The following PARVA variants were observed in gnomAD, a reference collection of about 807,000 sequenced individuals.
The protein encoded by PARVA is alpha-parvin.
A neutral mutation model predicts 52.6 loss-of-function variants in PARVA; 25 were observed. The observed-to-expected ratio is 0.48, with a 90% CI of 0.35 to 0.66. The LOEUF is 0.66. Among genes scored for constraint, PARVA ranks in the 30% least tolerant of loss-of-function variants. PARVA has a pLI of 0.01. For missense variants in PARVA, 373 were observed against 450.9 expected, an observed-to-expected ratio of 0.83 and a Z score of 1.56; for synonymous variants, 185 against 179.1, an observed-to-expected ratio of 1.03 and a Z score of -0.26.
chr11:12,462,067 G>A (rs1940790447), intron 1 of PARVA, among the ~76,000 whole-genome samples: 1 of 152,168 alleles, frequency 6.6e-6, no homozygotes, highest in Admixed American at 6.5e-5. Flanking sequence ...GTTGGGGGGT[G>A]CAGATTTTGC....
rs1425178124 is a variant in PARVA at position 12,467,971 on chromosome 11, C to T, written c.137-5774C>T. ...CCTGTGCTCAGACATAATCACTACT[C>T]CCTCAACACCTGCCCTGTTTTTCCA... On this transcript the variant is annotated intron_variant, in intron 1 of 12. Coordinates refer to ENST00000334956, the MANE Select transcript of PARVA (RefSeq NM_018222.5). Among the ~76,000 whole-genome samples, 4 of 152,230 alleles carry T rather than the reference C, an allele frequency of 2.6e-5. No homozygotes were observed. The South Asian group carries it at 6.2e-4, about 24-fold the overall frequency.
chr11:12,474,605 G>A (rs890625955), intron 3 of PARVA, among the ~76,000 whole-genome samples: 1 of 152,102 alleles, frequency 6.6e-6, no homozygotes, highest in South Asian at 2.1e-4. Flanking sequence ...GGCCAAGGCG[G>A]GCGGATCACT....
At chr11:12,405,871 T>C (rs1001674576) in intron 1 of PARVA, among the ~76,000 whole-genome samples, 13 of 152,100 alleles carry the variant, frequency 8.5e-5, no homozygotes, top group African/African-American at 3.1e-4. Context: ...GGCAGGAGAA[T>C]TGCTTGAACC....
intron 1 of PARVA, among the ~76,000 whole-genome samples, chr11:12,388,090 G>A (rs963249228): frequency 6.6e-6 from 1 of 152,162 alleles, no homozygotes; most frequent in East Asian, 1.9e-4. Flanking sequence ...CAGATGCAGA[G>A]CCACTATCAT....
intron 1 of PARVA, among the ~76,000 whole-genome samples, chr11:12,449,206 G>A (rs184947432): frequency 2.6e-5 from 4 of 151,262 alleles, no homozygotes; most frequent in East Asian, 1.9e-4. Context: ...CAGGCTGGAG[G>A]GCAGTGGCGC....
At chr11:12,491,419 C>T (rs1419039146) in intron 4 of PARVA, among the ~76,000 whole-genome samples, 1 of 152,160 alleles carries the variant, frequency 6.6e-6, no homozygotes, top group East Asian at 1.9e-4. Context: ...CCTCCTGCCT[C>T]AGCTTCCCAA....
At chr11:12,455,229 A>G (rs899164480) in intron 1 of PARVA, among the ~76,000 whole-genome samples, 1 of 152,320 alleles carries the variant, frequency 6.6e-6, no homozygotes, top group East Asian at 1.9e-4. Context: ...ATTGATGATC[A>G]TTGCCTAGAT....
At chr11:12,393,508 A>G (rs1006849076) in intron 1 of PARVA, among the ~76,000 whole-genome samples, 4 of 152,098 alleles carry the variant, frequency 2.6e-5, no homozygotes, top group African/African-American at 7.2e-5. Flanking sequence ...GTTGTCTTCC[A>G]CATGGTCATT....
At chr11:12,453,013 G>C (rs72862241) in intron 1 of PARVA, 2 of 456,314 alleles carry the variant, frequency 4.4e-6, no homozygotes, top group African/African-American at 2.0e-5. Context: ...CATGGGCTGC[G>C]GGGCACTTTG....
chr11:12,463,177 G>GTAGTGATATATTATTACTAACTTACAGT (rs1940807664), intron 1 of PARVA, among the ~76,000 whole-genome samples: 1 of 151,980 alleles, frequency 6.6e-6, no homozygotes, highest in Non-Finnish European at 1.5e-5. Flanking sequence ...TTAATGGACA[G>GTAGTGATATATTATTACTAACTTACAGT]TAGTGATATA....
intron 3 of PARVA, among the ~76,000 whole-genome samples, chr11:12,475,221 T>A (rs1223019299): frequency 6.6e-6 from 1 of 152,208 alleles, no homozygotes; most frequent in Admixed American, 6.5e-5. Context: ...GCCTGGCTAA[T>A]GCAGTCCACT....
rs1174993388 is a variant in PARVA at position 12,508,116 on chromosome 11, A to C, written c.658-468A>C. ...TTATCAGTTAAAAAAAAAAAAAAAA[A>C]AAAAAACCAAAAAAAAAAACCCTCT... On this transcript the variant is annotated intron_variant, in intron 6 of 12. Transcript: ENST00000334956. 4.2e-4 allele frequency among the ~76,000 whole-genome samples: 53 copies of C among 125,112 alleles called. 1 individual carries two copies. The highest frequency in any genetic ancestry group is 3.8e-3 in the Middle Eastern group (1 of 262). 82.1% of individuals were successfully genotyped at this position (125,112 alleles called of 152,430 possible).
chr11:12,514,187 C>T (rs961960433), intron 10 of PARVA, 122 bp downstream of exon 10: 2 of 701,828 alleles, frequency 2.8e-6, no homozygotes, highest in African/African-American at 3.6e-5. Context: ...GCATGGGAAT[C>T]TGTCCTACTC....
chr11:12,492,626 C>A (rs941566127), intron 4 of PARVA, among the ~76,000 whole-genome samples: 23 of 152,108 alleles, frequency 1.5e-4, no homozygotes, highest in African/African-American at 3.1e-4. Context: ...GCAAATTAAT[C>A]TTTTATTTAA....
chr11:12,510,664 G>A (rs1300691177), intron 7 of PARVA, among the ~76,000 whole-genome samples: 1 of 152,178 alleles, frequency 6.6e-6, no homozygotes, highest in Non-Finnish European at 1.5e-5. Context: ...CTTCTTACAT[G>A]GTGGTGGCAG....
chr11:12,421,023 T>TTTG (rs1940141388), intron 1 of PARVA, among the ~76,000 whole-genome samples: 1 of 151,734 alleles, frequency 6.6e-6, no homozygotes, highest in Non-Finnish European at 1.5e-5. Context: ...GGACTTTTTT[T>TTTG]TTTTTTGTAC....
At chr11:12,498,346 T>C (rs958421185) in intron 5 of PARVA, among the ~76,000 whole-genome samples, 12 of 151,830 alleles carry the variant, frequency 7.9e-5, no homozygotes, top group African/African-American at 2.9e-4. Context: ...TAGAACAGGG[T>C]CTTTTAAAGC....
In PARVA at chr11:12,499,988, G is replaced by C. The variant is rs139045701; in HGVS notation, c.541+3390G>C. ...TTAACTGATAATGGATTTTCAGATT[G>C]TTCTCCGTTTTCCCACTGATATCAA... On this transcript the variant is annotated intron_variant, in intron 5 of 12. Transcript: ENST00000334956. Among the ~76,000 whole-genome samples the C allele has an allele frequency of 7.1e-3, 1,079 of 152,188 alleles. 9 individuals are homozygous for C. Among genetic ancestry groups the C allele is most frequent in the Middle Eastern group, 0.021 (6 of 292 alleles).
intron 12 of PARVA, among the ~76,000 whole-genome samples, chr11:12,522,455 G>A (rs1253017652): frequency 5.7e-5 from 7 of 122,320 alleles, no homozygotes; most frequent in South Asian, 2.6e-4. Flanking sequence ...ACGGAGTTTC[G>A]CTCTCCAGGC....
Sources: gnomAD v4.1 joint callset for allele counts (sites outside exome capture counted in the v4.1 genomes callset) on GRCh38, gnomAD v4.1.1 for gene constraint, MANE v1.5 for transcripts, NCBI Gene and HGNC (gene_info 2026-07-23, HGNC 2026-07-21) for gene names.